Variants in WNK1 observed in about 807,000 individuals in gnomAD.
The protein encoded by WNK1 is WNK lysine deficient protein kinase 1.
WNK1 carries 38 observed loss-of-function variants against 222.8 expected under a neutral mutation model. The ratio of observed to expected loss-of-function variants is 0.17; its 90% CI spans 0.13 to 0.22. WNK1 has a LOEUF of 0.22. Ranked by LOEUF, WNK1 falls within the 10% of genes least tolerant of loss-of-function variation. The pLI is 1.00. For missense variants in WNK1, 2,348 were observed against 2,918.4 expected (o/e 0.80, Z 4.50); for synonymous variants, 1,090 against 1,092.9 (o/e 1.00, Z 0.05).
intron 1 of WNK1, among the ~76,000 whole-genome samples, chr12:785,087 C>T (rs1055070693): frequency 1.3e-5 from 2 of 152,082 alleles, no homozygotes; most frequent in East Asian, 1.9e-4. Flanking sequence ...TTCTAGCTTC[C>T]AGTATTGCTG....
chr12:889,193 A>C lies in WNK1; in HGVS notation c.5418A>C (p.Pro1806=). The C allele has an allele frequency of 6.2e-7, 1 of 1,614,114 alleles. No homozygotes were observed. Among genetic ancestry groups the C allele is most frequent in the South Asian group, 1.1e-5 (1 of 91,084 alleles). ...LDAQLRRTLS[P]EMITVTSAVG... is the part of the protein sequence containing the mutation. ...CTCAATTGAGAAGAACACTTAGTCC[A>C]GAGATGATCACAGTGACTTCTGCGG... Residue 1806 remains proline (P), a synonymous_variant, in exon 21 of 28, where the codon CCA becomes CCC. Coordinates refer to ENST00000315939, the MANE Select transcript of WNK1 (RefSeq NM_018979.4).
intron 1 of WNK1, among the ~76,000 whole-genome samples, chr12:782,764 A>T (rs866647052): frequency 2.6e-5 from 4 of 152,078 alleles, no homozygotes; most frequent in African/African-American, 9.7e-5. Context: ...TCAGCCTCCC[A>T]AAGTGCTGGG....
chr12:798,010 G>T (rs1407528698), intron 1 of WNK1, among the ~76,000 whole-genome samples: 2 of 151,446 alleles, frequency 1.3e-5, no homozygotes, highest in African/African-American at 4.9e-5. Flanking sequence ...TTGTGAAGAT[G>T]AGTAATATTA....
At chr12:851,129 A>G (rs1950387742) in intron 4 of WNK1, among the ~76,000 whole-genome samples, 1 of 152,220 alleles carries the variant, frequency 6.6e-6, no homozygotes, top group South Asian at 2.1e-4. Context: ...ATGCAAACAT[A>G]GTATGTGATG....
At chr12:881,454 T>A (rs1953151750) in intron 12 of WNK1, 1 of 549,760 alleles carries the variant, frequency 1.8e-6, no homozygotes, top group Non-Finnish European at 3.3e-6. Flanking sequence ...TCACACTGCC[T>A]AGCAGATATG....
chr12:804,016 T>C (rs554296345), intron 1 of WNK1, among the ~76,000 whole-genome samples: 1 of 152,302 alleles, frequency 6.6e-6, no homozygotes, highest in South Asian at 2.1e-4. Context: ...GCTTTGCAAA[T>C]AAGAAAATGT....
rs139280549 is a variant in WNK1 at position 866,277 on chromosome 12, G to A, written c.2139+4007G>A. On this transcript the variant is annotated intron_variant, in intron 8 of 27. Coordinates refer to ENST00000315939, the MANE Select transcript of WNK1 (RefSeq NM_018979.4). The stretch of plus-strand genomic sequence containing the variant: ...AACAGTTGATCTACTTTGCCAGCTC[G>A]ATAAGGATCTTCCCTATGGAAGAAT... Among the ~76,000 whole-genome samples the A allele has an allele frequency of 3.1e-3, 472 of 152,302 alleles. 1 individual carries two copies. The highest frequency in any genetic ancestry group is 0.011 in the African/African-American group (443 of 41,568).
At chr12:842,727 T>A (rs1949721289) in intron 4 of WNK1, among the ~76,000 whole-genome samples, 1 of 152,162 alleles carries the variant, frequency 6.6e-6, no homozygotes, top group Non-Finnish European at 1.5e-5. Flanking sequence ...TTATATGCAT[T>A]ATTGGAAGAG....
At chr12:864,396 C>T (rs1425596994) in intron 8 of WNK1, among the ~76,000 whole-genome samples, 1 of 152,102 alleles carries the variant, frequency 6.6e-6, no homozygotes, top group Non-Finnish European at 1.5e-5. Flanking sequence ...CAGGTGTGAG[C>T]CACCATGCCC....
At chr12:854,802 T>C (rs921013832) in intron 4 of WNK1, among the ~76,000 whole-genome samples, 10 of 152,226 alleles carry the variant, frequency 6.6e-5, no homozygotes, top group African/African-American at 2.4e-4. Context: ...AATTTGAAGA[T>C]GCTCAAGTTC....
At chr12:842,311 C>T (rs1949688311) in intron 4 of WNK1, among the ~76,000 whole-genome samples, 1 of 152,076 alleles carries the variant, frequency 6.6e-6, no homozygotes, top group South Asian at 2.1e-4. Flanking sequence ...ATTACTTTTG[C>T]ATGAACCTAA....
At position 827,355 on chromosome 12, in the gene WNK1, C is replaced by A; in HGVS notation, c.1153+93C>A. The stretch of plus-strand genomic sequence containing the variant: ...CTGTCAGAGTTTTAAGTGATATAAA[C>A]CTTAAGAAATTCATAGCTTGAACTC... On this transcript the variant is annotated intron_variant, in intron 3 of 27. Coordinates refer to ENST00000315939, the MANE Select transcript of WNK1 (RefSeq NM_018979.4). This position sits in a 1 kb window ranked among gnomAD's most constrained non-coding sequence, Gnocchi z 4.6. 1.7e-6 allele frequency: 2 copies of A among 1,143,044 alleles called. No individual in the cohort carries two copies. Among genetic ancestry groups the A allele is most frequent in the Non-Finnish European group, 2.6e-6 (2 of 757,652 alleles). The allele number at this position is 1,143,044 out of a possible 1,614,324, so 70.8% of individuals were successfully genotyped here. A position where few individuals can be genotyped will look rare whatever the true frequency, so the allele number is the denominator to read the frequency against.
chr12:768,970 C>T (rs1001782946), intron 1 of WNK1, among the ~76,000 whole-genome samples: 2 of 151,842 alleles, frequency 1.3e-5, no homozygotes, highest in South Asian at 2.1e-4. Flanking sequence ...CCACCACACC[C>T]GGCTAATTTT....
At chr12:894,456 A>G in intron 22 of WNK1, 106 bp from the exon 23 acceptor site, 1 of 947,006 alleles carries the variant, frequency 1.1e-6, no homozygotes, top group Non-Finnish European at 1.7e-6. Context: ...TGCCTCTAAC[A>G]GCTTTCCTCA....
intron 1 of WNK1, among the ~76,000 whole-genome samples, chr12:769,545 T>A (rs1205034762): frequency 6.6e-6 from 1 of 152,156 alleles, no homozygotes; most frequent in Non-Finnish European, 1.5e-5. Context: ...CATTTTTTTA[T>A]GACATCCTTA....
intron 4 of WNK1, among the ~76,000 whole-genome samples, chr12:849,004 G>A (rs1253889281): frequency 6.6e-6 from 1 of 152,100 alleles, no homozygotes; most frequent in East Asian, 1.9e-4. Flanking sequence ...AGGACACGTG[G>A]CACTTGTTTT....
At chr12:869,829 T>C (rs1182701709) in intron 8 of WNK1, among the ~76,000 whole-genome samples, 1 of 151,882 alleles carries the variant, frequency 6.6e-6, no homozygotes, top group Non-Finnish European at 1.5e-5. Flanking sequence ...TTTTTTGTTA[T>C]AAGAATTTGT....
chr12:795,329 A>G (rs970417889), intron 1 of WNK1, among the ~76,000 whole-genome samples: 4 of 134,736 alleles, frequency 3.0e-5, no homozygotes, highest in African/African-American at 1.1e-4. Flanking sequence ...TCAGTTTCTG[A>G]TATGGTTTGG....
chr12:861,971 G>A (rs1197737285), intron 7 of WNK1, 112 bp from the exon 8 acceptor site: 1 of 1,180,286 alleles, frequency 8.5e-7, no homozygotes, highest in East Asian at 2.4e-5. Flanking sequence ...TCTGTGCAAG[G>A]AATAACTAGT....
Sources: allele counts gnomAD v4.1 joint callset (sites outside exome capture counted in the v4.1 genomes callset), GRCh38; gene constraint gnomAD v4.1.1; non-coding constraint Gnocchi (gnomAD v3.1); transcripts MANE v1.5; gene names NCBI Gene and HGNC (gene_info 2026-07-23, HGNC 2026-07-21).